The following PCDH15 variants were observed in gnomAD, a reference collection of about 807,000 sequenced individuals.
The protein encoded by PCDH15 is protocadherin-15.
In PCDH15, 129 loss-of-function variants were observed where a neutral mutation model predicts 178.5. That is an observed-to-expected ratio of 0.72 (90% CI 0.63 to 0.84). The LOEUF (loss-of-function observed/expected upper bound fraction) is 0.84, where lower values mean the gene tolerates loss of function less well. Ranked by LOEUF, PCDH15 falls within the 40% of genes least tolerant of loss-of-function variation. The pLI, the probability that PCDH15 is intolerant of heterozygous loss-of-function variation, is 0.00. For missense variants in PCDH15, 2,230 were observed against 2,099.9 expected, an observed-to-expected ratio of 1.06 and a Z score of -1.21; for synonymous variants, 800 against 732.0, an observed-to-expected ratio of 1.09 and a Z score of -1.50.
chr10:54,976,251 A>G (rs1205241037), intron 2 of PCDH15, among the ~76,000 whole-genome samples: 1 of 152,158 alleles, frequency 6.6e-6, no homozygotes, highest in Non-Finnish European at 1.5e-5. Context: ...AATCAATCTC[A>G]AGATTGGTTC....
At chr10:54,325,447 A>G (rs981170580) in intron 7 of PCDH15, among the ~76,000 whole-genome samples, 2 of 152,048 alleles carry the variant, frequency 1.3e-5, no homozygotes, top group African/African-American at 4.8e-5. Flanking sequence ...GCATACCACC[A>G]ACACAATATA....
chr10:54,397,915 G>A (rs1392375733), intron 3 of PCDH15, among the ~76,000 whole-genome samples: 1 of 151,758 alleles, frequency 6.6e-6, no homozygotes, highest in Non-Finnish European at 1.5e-5. Context: ...AATAGGGGCA[G>A]GTTTCATGGT....
In PCDH15 at chr10:54,508,217, C is replaced by G. The variant is rs1012408603; in HGVS notation, c.157+19595G>C. On this transcript the variant is annotated intron_variant, in intron 3 of 37. Coordinates refer to ENST00000644397, the MANE Select transcript of PCDH15 (RefSeq NM_001384140.1). ...TGTAAGTAATTTTTACTGTATTTTACACATCAAAAACCTTAGCCAGCACAC... is the reference window on the plus strand; with the variant it reads ...TGTAAGTAATTTTTACTGTATTTTAGACATCAAAAACCTTAGCCAGCACAC... Among the ~76,000 whole-genome samples, 5 of 152,038 alleles carry G rather than the reference C, an allele frequency of 3.3e-5. No individual in the cohort carries two copies. The South Asian group carries it at 1.0e-3, about 31-fold the overall frequency.
In PCDH15 at chr10:54,520,679, A is replaced by G. The variant is rs1405281279; in HGVS notation, c.157+7133T>C. On this transcript the variant is annotated intron_variant, in intron 3 of 37. Transcript: ENST00000644397. ...GGCGATTCCTCAGGGATCTAGAACTAGATATACCATTTGACCCAGCCATCC... is the reference window on the plus strand; with the variant it reads ...GGCGATTCCTCAGGGATCTAGAACTGGATATACCATTTGACCCAGCCATCC... Among the ~76,000 whole-genome samples, 3 of 151,666 alleles carry G rather than the reference A, an allele frequency of 2.0e-5. No individual in the cohort carries two copies. In the East Asian group the frequency reaches 5.8e-4, roughly 30 times the overall value.
chr10:53,985,116 T>G (rs1280692571), intron 21 of PCDH15, among the ~76,000 whole-genome samples: 1 of 152,202 alleles, frequency 6.6e-6, no homozygotes, highest in Non-Finnish European at 1.5e-5. Context: ...TAAATAAAAA[T>G]ATTGATCTTT....
intron 37 of PCDH15, 32 bp from the exon 38 acceptor site, chr10:53,807,162 T>TATCA (rs766813887): frequency 3.3e-5 from 50 of 1,495,512 alleles, no homozygotes; most frequent in Non-Finnish European, 3.9e-5. Context: ...TGTGAGTCAC[T>TATCA]ATCAAATAAA....
intron 3 of PCDH15, among the ~76,000 whole-genome samples, chr10:54,400,851 GAGAA>G (rs1951842483): frequency 6.6e-6 from 1 of 151,734 alleles, no homozygotes; most frequent in South Asian, 2.1e-4. Flanking sequence ...GGAGAGGAGA[GAGAA>G]AGAGAGAGAA....
chr10:54,737,467 C>T (rs1243142680), intron 1 of PCDH15, among the ~76,000 whole-genome samples: 3 of 152,132 alleles, frequency 2.0e-5, no homozygotes, highest in East Asian at 1.9e-4. Context: ...AGCAATCCTG[C>T]TTACAGAAAA....
intron 2 of PCDH15, among the ~76,000 whole-genome samples, chr10:55,355,671 A>G (rs1278800730): frequency 6.6e-6 from 1 of 151,892 alleles, no homozygotes; most frequent in African/African-American, 2.4e-5. Flanking sequence ...TGTGACTTGC[A>G]AACGTTTTCT....
At chr10:54,680,338 A>G (rs2094875986) in intron 1 of PCDH15, among the ~76,000 whole-genome samples, 1 of 152,166 alleles carries the variant, frequency 6.6e-6, no homozygotes. Flanking sequence ...TAAACTTGTC[A>G]TCTCATTTTA....
intron 37 of PCDH15, chr10:53,808,326 GTGTGTA>G (rs71476320): frequency 0.036 from 16,148 of 449,432 alleles, 192 homozygotes; most frequent in East Asian, 0.098. Context: ...TATAGTGTGT[GTGTGTA>G]TATATATATA....
chr10:55,251,468 C>T (rs186677721), intron 1 of PCDH15, among the ~76,000 whole-genome samples: 15 of 152,140 alleles, frequency 9.9e-5, no homozygotes, highest in Middle Eastern at 3.4e-3. Context: ...AATATTTAAC[C>T]TTCTAGGACT....
intron 3 of PCDH15, among the ~76,000 whole-genome samples, chr10:54,379,480 A>C (rs1377433874): frequency 6.6e-6 from 1 of 152,174 alleles, no homozygotes; most frequent in African/African-American, 2.4e-5. Context: ...ACTAGTGTGC[A>C]GAAATGGAAT....
At chr10:54,747,402 G>A (rs897404514) in intron 1 of PCDH15, among the ~76,000 whole-genome samples, 1 of 152,132 alleles carries the variant, frequency 6.6e-6, no homozygotes, top group African/African-American at 2.4e-5. Flanking sequence ...ACAATAAATA[G>A]GTGAACTAAT....
At chr10:53,901,866 T>A (rs2133644018) in intron 26 of PCDH15, among the ~76,000 whole-genome samples, 1 of 152,342 alleles carries the variant, frequency 6.6e-6, no homozygotes, top group South Asian at 2.1e-4. Flanking sequence ...ATTGCACCAC[T>A]CTCATTCTTC....
At chr10:53,877,724 G>A (rs7072738) in intron 26 of PCDH15, among the ~76,000 whole-genome samples, 385 of 152,116 alleles carry the variant, frequency 2.5e-3, no homozygotes, top group African/African-American at 8.6e-3. Context: ...TCTATGAACT[G>A]AACTGTTCTA....
chr10:54,097,948 A>G (rs1387361005), intron 15 of PCDH15, among the ~76,000 whole-genome samples: 1 of 152,154 alleles, frequency 6.6e-6, no homozygotes, highest in African/African-American at 2.4e-5. Flanking sequence ...TCTGTTCTGT[A>G]TATGCACATT....
chr10:55,137,696 G>A (rs2132084753), intron 2 of PCDH15, among the ~76,000 whole-genome samples: 1 of 152,140 alleles, frequency 6.6e-6, no homozygotes, highest in South Asian at 2.1e-4. Flanking sequence ...ACTTACTGAG[G>A]AAATAGCAAG....
intron 35 of PCDH15, among the ~76,000 whole-genome samples, chr10:53,814,171 C>G (rs2132414571): frequency 6.6e-6 from 1 of 152,200 alleles, no homozygotes; most frequent in East Asian, 1.9e-4. Flanking sequence ...AAATAGGTCT[C>G]AGAACTAATA....
Sources: gnomAD v4.1 joint callset for allele counts (sites outside exome capture counted in the v4.1 genomes callset) on GRCh38, gnomAD v4.1.1 for gene constraint, MANE v1.5 for transcripts, NCBI Gene and HGNC (gene_info 2026-07-23, HGNC 2026-07-21) for gene names.